Variants in LRRC4C observed in about 807,000 individuals in gnomAD.
LRRC4C encodes the protein leucine-rich repeat-containing protein 4C.
Under a neutral mutation model 33.6 loss-of-function variants are expected in LRRC4C, and 5 were observed. The observed-to-expected ratio is 0.15, with a 90% confidence interval of 0.08 to 0.31. The LOEUF is 0.31. LRRC4C is among the 10% of genes least tolerant of loss of function. LRRC4C has a pLI of 1.00. For missense variants in LRRC4C, 560 were observed against 796.7 expected, an observed-to-expected ratio of 0.70 and a Z score of 3.58; for synonymous variants, 329 against 302.0, an observed-to-expected ratio of 1.09 and a Z score of -0.93.
chr11:40,996,377 A>C (rs1853975950), intron 1 of LRRC4C, among the ~76,000 whole-genome samples: 1 of 152,136 alleles, frequency 6.6e-6, no homozygotes, highest in African/African-American at 2.4e-5. Flanking sequence ...AAATAAAACT[A>C]ATGAGAAAAA....
At chr11:40,371,565 T>A (rs958297750) in intron 3 of LRRC4C, among the ~76,000 whole-genome samples, 1 of 152,212 alleles carries the variant, frequency 6.6e-6, no homozygotes, top group African/African-American at 2.4e-5. Flanking sequence ...TTGCTGAGTT[T>A]AAAGGCTCTT....
intron 1 of LRRC4C, among the ~76,000 whole-genome samples, chr11:41,107,569 T>C (rs1418650320): frequency 3.3e-5 from 5 of 152,052 alleles, no homozygotes; most frequent in African/African-American, 1.2e-4. Flanking sequence ...ATCAAACCAA[T>C]TAATTTGAAG....
chr11:40,198,791 G>A (rs1265466966), intron 5 of LRRC4C, among the ~76,000 whole-genome samples: 1 of 152,146 alleles, frequency 6.6e-6, no homozygotes, highest in African/African-American at 2.4e-5. Flanking sequence ...AGTCAATCTG[G>A]ACTTAAAGGG....
chr11:40,335,970 G>T (rs751892778), intron 3 of LRRC4C, among the ~76,000 whole-genome samples: 6 of 152,128 alleles, frequency 3.9e-5, no homozygotes, highest in Non-Finnish European at 5.9e-5. Flanking sequence ...GTACCACATA[G>T]GGTCATTTTG....
chr11:40,752,457 C>T (rs1948739731), intron 2 of LRRC4C, among the ~76,000 whole-genome samples: 1 of 151,810 alleles, frequency 6.6e-6, no homozygotes, highest in South Asian at 2.1e-4. Flanking sequence ...ATAAACAATC[C>T]TTAAAAGAAG....
intron 1 of LRRC4C, among the ~76,000 whole-genome samples, chr11:41,290,859 C>A (rs1949973038): frequency 6.6e-6 from 1 of 152,020 alleles, no homozygotes; most frequent in Admixed American, 6.5e-5. Flanking sequence ...GAACCTCAGA[C>A]CAAGATGATG....
At chr11:41,204,757 A>G (rs146688621) in intron 1 of LRRC4C, among the ~76,000 whole-genome samples, 2 of 151,900 alleles carry the variant, frequency 1.3e-5, no homozygotes, top group East Asian at 3.9e-4. Context: ...TTCATTGAGC[A>G]TTTACTATGT....
intron 1 of LRRC4C, among the ~76,000 whole-genome samples, chr11:41,289,763 C>T (rs904595529): frequency 1.3e-5 from 2 of 152,032 alleles, no homozygotes; most frequent in Admixed American, 1.3e-4. Flanking sequence ...GTTTTGGCAG[C>T]CCTAGCATAC....
At chr11:41,304,852 A>C (rs367906124) in intron 1 of LRRC4C, among the ~76,000 whole-genome samples, 1 of 34,670 alleles carries the variant, frequency 2.9e-5, no homozygotes. Flanking sequence ...CAGCCGCCCC[A>C]TCCGGGAGGG....
rs565476786 is a variant in LRRC4C at position 40,483,324 on chromosome 11, C to T, written c.-269-163603G>A. 7.2e-5 allele frequency among the ~76,000 whole-genome samples: 11 copies of T among 152,194 alleles called. No individual in the cohort carries two copies. In the South Asian group the frequency reaches 2.3e-3, roughly 32 times the overall value. ...AAGAGAAAAAAGAATTATCCAGGGG[C>T]TAAAAATATCTGGTGACTGTAGTAG... On this transcript the variant is annotated intron_variant, in intron 3 of 6. Transcript: ENST00000528697.
intron 2 of LRRC4C, among the ~76,000 whole-genome samples, chr11:40,806,490 T>G (rs11036083): frequency 6.6e-6 from 1 of 152,050 alleles, no homozygotes; most frequent in Non-Finnish European, 1.5e-5. Context: ...TTTTAGGACT[T>G]AACCTCTGAA....
At chr11:41,216,468 A>G (rs557395824) in intron 1 of LRRC4C, among the ~76,000 whole-genome samples, 1 of 152,242 alleles carries the variant, frequency 6.6e-6, no homozygotes, top group Admixed American at 6.5e-5. Context: ...AGTAAAAAAA[A>G]AAAAAAAGGT....
intron 2 of LRRC4C, among the ~76,000 whole-genome samples, chr11:40,808,471 T>C (rs978498438): frequency 5.9e-5 from 9 of 152,180 alleles, no homozygotes; most frequent in African/African-American, 2.2e-4. Flanking sequence ...AATTCAATTG[T>C]AGCACTTACA....
chr11:40,313,618 T>G (rs1412290411), intron 4 of LRRC4C, among the ~76,000 whole-genome samples: 1 of 118,416 alleles, frequency 8.4e-6, no homozygotes, highest in Non-Finnish European at 1.8e-5. Context: ...TTTTTTTTTT[T>G]TTTTTTTGAG....
At chr11:41,298,417 T>G (rs1331439327) in intron 1 of LRRC4C, among the ~76,000 whole-genome samples, 1 of 143,034 alleles carries the variant, frequency 7.0e-6, no homozygotes, top group East Asian at 2.0e-4. Flanking sequence ...AAAGTGAACT[T>G]TTTTTTTTTT....
intron 5 of LRRC4C, among the ~76,000 whole-genome samples, chr11:40,149,675 G>A (rs1858026087): frequency 6.6e-6 from 1 of 152,020 alleles, no homozygotes; most frequent in Non-Finnish European, 1.5e-5. Flanking sequence ...GGTCTGGTAA[G>A]GCCCCTCTGA....
At chr11:41,138,493 C>A (rs1033022539) in intron 1 of LRRC4C, among the ~76,000 whole-genome samples, 1 of 151,982 alleles carries the variant, frequency 6.6e-6, no homozygotes, top group Non-Finnish European at 1.5e-5. Context: ...GAACTCATAT[C>A]ATAAAAGAAT....
intron 1 of LRRC4C, among the ~76,000 whole-genome samples, chr11:41,418,825 T>C (rs563773299): frequency 6.6e-6 from 1 of 152,088 alleles, no homozygotes; most frequent in African/African-American, 2.4e-5. Flanking sequence ...TCCTATAGCA[T>C]AAATTAAGGT....
intron 4 of LRRC4C, among the ~76,000 whole-genome samples, chr11:40,294,644 T>C (rs765882322): frequency 9.2e-5 from 14 of 151,806 alleles, no homozygotes; most frequent in African/African-American, 2.7e-4. Flanking sequence ...CTGCCCAACA[T>C]TGTGAAACCC....
Sources: gnomAD v4.1 joint callset for allele counts (sites outside exome capture counted in the v4.1 genomes callset) on GRCh38, gnomAD v4.1.1 for gene constraint, MANE v1.5 for transcripts, NCBI Gene and HGNC (gene_info 2026-07-23, HGNC 2026-07-21) for gene names.